The following MSANTD5 variants were observed in gnomAD, a reference collection of about 807,000 sequenced individuals.
MSANTD5 encodes uncharacterized protein MSANTD5.
chr5:178,700,423 A>C (rs1203178005), upstream of MSANTD5, among the ~76,000 whole-genome samples: 1 of 152,142 alleles, frequency 6.6e-6, no homozygotes, highest in Non-Finnish European at 1.5e-5. Flanking sequence ...GTCACTGTGG[A>C]GAAAAGTCCT....
chr5:178,696,032 T>G (rs1437373507), intron 2 of MSANTD5, 65 bp downstream of exon 2: 1 of 152,178 alleles, frequency 6.6e-6, no homozygotes, highest in Non-Finnish European at 1.5e-5. Flanking sequence ...CGTATCAGAC[T>G]CGAGAAGATG....
At chr5:178,694,371 C>A (rs1006119268), downstream of MSANTD5, among the ~76,000 whole-genome samples, 7 of 148,668 alleles carry the variant, frequency 4.7e-5, no homozygotes, top group African/African-American at 1.7e-4. Context: ...GAAATGAAGG[C>A]AGGATTGAGC....
chr5:178,702,779 A>G, the MSANTD5 span, among the ~76,000 whole-genome samples: 1 of 150,854 alleles, frequency 6.6e-6, no homozygotes, highest in African/African-American at 2.4e-5. Context: ...TGTATTTTTT[A>G]GTAGAGATGG....
chr5:178,702,291 CT>C (rs906079918), upstream of MSANTD5, among the ~76,000 whole-genome samples: 3 of 142,186 alleles, frequency 2.1e-5, no homozygotes, highest in African/African-American at 2.6e-5. Flanking sequence ...ATTTTTCTTT[CT>C]TTTTTTTTCT....
chr5:178,697,778 G>T (rs1765435493), upstream of MSANTD5: 1 of 152,120 alleles, frequency 6.6e-6, no homozygotes, highest in Non-Finnish European at 1.5e-5. Flanking sequence ...AATGCAGATC[G>T]GACATGTTTA....
At chr5:178,704,280 C>T in the MSANTD5 span, among the ~76,000 whole-genome samples, 1 of 152,132 alleles carries the variant, frequency 6.6e-6, no homozygotes, top group South Asian at 2.1e-4. Context: ...ACCCCATGGC[C>T]TAATGTGATG....
downstream of MSANTD5, among the ~76,000 whole-genome samples, chr5:178,694,091 T>C (rs1740686485): frequency 6.6e-6 from 1 of 151,404 alleles, no homozygotes; most frequent in Non-Finnish European, 1.5e-5. Flanking sequence ...CCAAGGCGAG[T>C]GGATCACCTG....
downstream of MSANTD5, among the ~76,000 whole-genome samples, chr5:178,693,527 CG>C (rs1198536385): frequency 6.6e-6 from 1 of 151,980 alleles, no homozygotes; most frequent in Admixed American, 6.5e-5. Context: ...ACCTTCACCG[CG>C]GGTGTTATAG....
At chr5:178,702,654 G>A (rs568507907), upstream of MSANTD5, among the ~76,000 whole-genome samples, 1 of 151,930 alleles carries the variant, frequency 6.6e-6, no homozygotes, top group South Asian at 2.1e-4. Context: ...CTGGAGTGCA[G>A]TGGTACCATC....
At chr5:178,698,309 G>A (rs530541569), upstream of MSANTD5, among the ~76,000 whole-genome samples, 1 of 152,272 alleles carries the variant, frequency 6.6e-6, no homozygotes, top group African/African-American at 2.4e-5. Context: ...GATATTGGAG[G>A]GTGGTTAATA....
At chr5:178,699,638 C>T (rs1356934898), upstream of MSANTD5, among the ~76,000 whole-genome samples, 2 of 152,118 alleles carry the variant, frequency 1.3e-5, no homozygotes, top group Non-Finnish European at 2.9e-5. Flanking sequence ...CTTGAACTCC[C>T]GGCCTCAGGT....
At chr5:178,692,290 G>A (rs929544246), downstream of MSANTD5, among the ~76,000 whole-genome samples, 3 of 150,106 alleles carry the variant, frequency 2.0e-5, no homozygotes, top group African/African-American at 7.4e-5. Context: ...TGAGGCAGGA[G>A]AGTTGCTTGA....
downstream of MSANTD5, among the ~76,000 whole-genome samples, chr5:178,693,041 A>G (rs1407854121): frequency 6.6e-6 from 1 of 151,958 alleles, no homozygotes; most frequent in Non-Finnish European, 1.5e-5. Context: ...CTGGGTTCGT[A>G]GCTCACGTCG....
downstream of MSANTD5, among the ~76,000 whole-genome samples, chr5:178,693,241 T>C (rs1026386784): frequency 6.6e-6 from 1 of 151,922 alleles, no homozygotes. Flanking sequence ...TGAACCCAGG[T>C]GGCGGAGGTT....
upstream of MSANTD5, among the ~76,000 whole-genome samples, chr5:178,701,732 ATATT>A (rs1295102892): frequency 1.3e-4 from 19 of 147,692 alleles, no homozygotes; most frequent in South Asian, 2.7e-3. Context: ...TTATAAATAT[ATATT>A]TATTATTTTA....
downstream of MSANTD5, among the ~76,000 whole-genome samples, chr5:178,693,306 C>T (rs541302987): frequency 3.9e-5 from 6 of 152,006 alleles, no homozygotes; most frequent in East Asian, 7.7e-4. Context: ...AGTGAGACTC[C>T]GTCTCAAAAA....
chr5:178,691,587 TAAG>T (rs1251283704), downstream of MSANTD5, among the ~76,000 whole-genome samples: 5 of 135,812 alleles, frequency 3.7e-5, 1 homozygote, highest in Non-Finnish European at 8.4e-5. Context: ...TGAAAGCCCA[TAAG>T]AAGGGCATGA....
upstream of MSANTD5, among the ~76,000 whole-genome samples, chr5:178,699,044 T>C: frequency 6.6e-6 from 1 of 152,184 alleles, no homozygotes; most frequent in East Asian, 1.9e-4. Context: ...AACTCTTCTC[T>C]GTGCTTCCCA....
upstream of MSANTD5, among the ~76,000 whole-genome samples, chr5:178,702,520 C>T (rs532920151): frequency 8.4e-4 from 128 of 151,794 alleles, no homozygotes; most frequent in African/African-American, 2.8e-3. Context: ...AGGCTGGTCT[C>T]GACCTCCTGA....
Sources: allele counts gnomAD v4.1 joint callset (sites outside exome capture counted in the v4.1 genomes callset), GRCh38; gene constraint gnomAD v4.1.1; transcripts MANE v1.5; gene names NCBI Gene and HGNC (gene_info 2026-07-23, HGNC 2026-07-21).